The following GDPD5 variants were observed in gnomAD, a reference collection of about 807,000 sequenced individuals.
The protein encoded by GDPD5 is glycerophosphodiester phosphodiesterase domain containing 5, also known as glycerophosphodiester phosphodiesterase 2.
In GDPD5, 48 loss-of-function variants were observed where a neutral mutation model predicts 75.1. The ratio of observed to expected loss-of-function variants is 0.64; its 90% CI spans 0.51 to 0.81. The LOEUF is 0.81. Ranked by LOEUF, GDPD5 falls within the 40% of genes least tolerant of loss-of-function variation. GDPD5 has a pLI of 0.00. For missense variants in GDPD5, 706 were observed against 822.6 expected (o/e 0.86, Z 1.73); for synonymous variants, 336 against 339.0 (o/e 0.99, Z 0.10).
chr11:75,513,596 A>C (rs958672548), intron 1 of GDPD5, among the ~76,000 whole-genome samples: 13 of 152,178 alleles, frequency 8.5e-5, no homozygotes, highest in Non-Finnish European at 1.6e-4. Flanking sequence ...AGTCAACAAA[A>C]AGTCAGTCTT....
intron 3 of GDPD5, among the ~76,000 whole-genome samples, chr11:75,475,056 A>G (rs764159600): frequency 3.9e-5 from 6 of 152,242 alleles, no homozygotes; most frequent in Admixed American, 2.0e-4. Flanking sequence ...ATGTTACAAC[A>G]ATGACTAGGG....
chr11:75,443,240 T>A lies in GDPD5; in HGVS notation c.844A>T (p.Thr282Ser). Residue 282 changes from threonine to serine, a missense_variant, in exon 11 of 17, where the codon ACC becomes TCC. Thr to Ser is a moderately conservative substitution (Grantham distance 58). Transcript: ENST00000336898. ...GGGAACTCCTCCTCCACGTTGGTGG[T>A]GCGCCGCAGGGTGGTGTCATGCATG... ...FLMHDTTLRR[T>S]TNVEEEFPEL... 6.2e-7 allele frequency: 1 copy of A among 1,609,602 alleles called. No homozygotes were observed. The highest frequency in any genetic ancestry group is 8.5e-7 in the Non-Finnish European group (1 of 1,178,540).
chr11:75,523,916 C>T (rs1941563724), intron 1 of GDPD5, among the ~76,000 whole-genome samples: 1 of 152,202 alleles, frequency 6.6e-6, no homozygotes, highest in African/African-American at 2.4e-5. Context: ...CCCTTGACTC[C>T]AGGGAGTTGG....
chr11:75,524,228 C>G (rs951150605), intron 1 of GDPD5, among the ~76,000 whole-genome samples: 1 of 152,356 alleles, frequency 6.6e-6, no homozygotes, highest in Non-Finnish European at 1.5e-5. Context: ...GTTGGACCTT[C>G]CATTTGGGCC....
At chr11:75,472,477 A>G (rs1183039725) in intron 3 of GDPD5, among the ~76,000 whole-genome samples, 1 of 152,146 alleles carries the variant, frequency 6.6e-6, no homozygotes, top group Admixed American at 6.5e-5. Context: ...GTGCACTGGC[A>G]GAGCCCAATC....
chr11:75,435,841 C>G (rs574771101), intron 16 of GDPD5, among the ~76,000 whole-genome samples, 186 bp from the exon 17 acceptor site: 1 of 152,198 alleles, frequency 6.6e-6, no homozygotes, highest in Non-Finnish European at 1.5e-5. Flanking sequence ...ACTCTAGCTT[C>G]GCCTTCATCT....
intron 1 of GDPD5, among the ~76,000 whole-genome samples, chr11:75,521,933 CTTACAGGCCGT>C (rs1941473372): frequency 6.6e-6 from 1 of 152,144 alleles, no homozygotes; most frequent in Non-Finnish European, 1.5e-5. Flanking sequence ...TGGTCTTCAT[CTTACAGGCCGT>C]AAGGAGCCAC....
chr11:75,484,267 T>G (rs1949977425), intron 2 of GDPD5, among the ~76,000 whole-genome samples: 1 of 152,176 alleles, frequency 6.6e-6, no homozygotes. Flanking sequence ...TCGATAAAAC[T>G]TTTTTTGTTT....
chr11:75,440,680 C>T lies in GDPD5; in HGVS notation c.1473+483G>A, dbSNP rs144041096. 8.7e-3 allele frequency among the ~76,000 whole-genome samples: 1,317 copies of T among 152,222 alleles called. 7 individuals are homozygous for T. The highest frequency in any genetic ancestry group is 0.02 in the Middle Eastern group (6 of 294). ...AAGCAATCCTCCCACTTCAGCCTAC[C>T]GAGTAGCTAGGACTACAGGCGTGTG... On this transcript the variant is annotated intron_variant, in intron 14 of 16. Transcript: ENST00000336898.
chr11:75,512,325 C>CACACA (rs55710152), intron 1 of GDPD5, among the ~76,000 whole-genome samples: 41 of 149,058 alleles, frequency 2.8e-4, no homozygotes, highest in African/African-American at 1.0e-3. Flanking sequence ...CACACACACA[C>CACACA]GAGGGGAGAG....
intron 4 of GDPD5, among the ~76,000 whole-genome samples, chr11:75,460,439 T>C (rs1565194501): frequency 6.6e-6 from 1 of 151,986 alleles, no homozygotes; most frequent in Non-Finnish European, 1.5e-5. Context: ...CATCATCTCA[T>C]TGCATCCTCA....
chr11:75,507,603 G>A (rs1950428438), intron 1 of GDPD5, among the ~76,000 whole-genome samples: 1 of 152,210 alleles, frequency 6.6e-6, no homozygotes, highest in African/African-American at 2.4e-5. Context: ...TGTTCCCTTA[G>A]TCCCCAACAC....
chr11:75,522,469 C>T (rs1263435650), intron 1 of GDPD5, among the ~76,000 whole-genome samples: 1 of 152,130 alleles, frequency 6.6e-6, no homozygotes, highest in African/African-American at 2.4e-5. Flanking sequence ...CCCTTTCTGC[C>T]CTGTACCCTC....
At chr11:75,483,019 G>T (rs1374806410) in intron 2 of GDPD5, among the ~76,000 whole-genome samples, 1 of 152,168 alleles carries the variant, frequency 6.6e-6, no homozygotes, top group Non-Finnish European at 1.5e-5. Flanking sequence ...CGGCCGCCGG[G>T]ACGATCTCTG....
intron 3 of GDPD5, among the ~76,000 whole-genome samples, chr11:75,472,995 G>A (rs989322290): frequency 6.6e-6 from 1 of 152,034 alleles, no homozygotes; most frequent in African/African-American, 2.4e-5. Flanking sequence ...TTAAGGGGCA[G>A]GGAGGAGAAA....
intron 2 of GDPD5, among the ~76,000 whole-genome samples, chr11:75,485,929 G>A (rs1950013535): frequency 6.6e-6 from 1 of 152,164 alleles, no homozygotes; most frequent in Admixed American, 6.5e-5. Flanking sequence ...GCATGCAGAT[G>A]GAGAGACACC....
At chr11:75,514,296 G>C (rs148069754) in intron 1 of GDPD5, among the ~76,000 whole-genome samples, 1 of 152,232 alleles carries the variant, frequency 6.6e-6, no homozygotes, top group Non-Finnish European at 1.5e-5. Context: ...GTCCCAGAGG[G>C]GGAGAAGCAG....
intron 3 of GDPD5, among the ~76,000 whole-genome samples, chr11:75,470,419 C>T (rs1232414649): frequency 1.3e-5 from 2 of 151,864 alleles, no homozygotes; most frequent in African/African-American, 4.8e-5. Flanking sequence ...TACATTTTGC[C>T]TTTGGTATTG....
chr11:75,446,859 A>C (rs2135197699), intron 9 of GDPD5, among the ~76,000 whole-genome samples: 1 of 152,268 alleles, frequency 6.6e-6, no homozygotes, highest in South Asian at 2.1e-4. Flanking sequence ...AGGACAAATA[A>C]ACAGCTTAAG....
Sources: allele counts gnomAD v4.1 joint callset (sites outside exome capture counted in the v4.1 genomes callset), GRCh38; gene constraint gnomAD v4.1.1; transcripts MANE v1.5; gene names NCBI Gene and HGNC (gene_info 2026-07-23, HGNC 2026-07-21).